TJP1: variants seen among roughly 807,000 people sequenced by gnomAD.
The protein encoded by TJP1 is tight junction protein 1, also known as tight junction protein ZO-1.
A neutral mutation model predicts 194.2 loss-of-function variants in TJP1; 43 were observed. That is an observed-to-expected ratio of 0.22 (90% CI 0.17 to 0.29). The LOEUF is 0.29. TJP1 is among the 10% of genes least tolerant of loss of function. The probability of loss-of-function intolerance (pLI) is 1.00; values close to 1 mark genes in which losing one functional copy is unlikely to be tolerated. For missense variants in TJP1, 1,971 were observed against 2,185.7 expected (o/e 0.90, Z 1.96); for synonymous variants, 801 against 779.0 (o/e 1.03, Z -0.47).
intron 1 of TJP1, among the ~76,000 whole-genome samples, 169 bp downstream of exon 1, chr15:29,821,833 C>CCCCGCGGCCCGCGGCCCGCGG (rs553652689): frequency 5.5e-5 from 8 of 145,470 alleles, no homozygotes; most frequent in African/African-American, 1.5e-4. Context: ...CCGAGGGGCT[C>CCCCGCGGCCCGCGGCCCGCGG]CCCGCGGCCC....
intron 2 of TJP1, among the ~76,000 whole-genome samples, chr15:29,938,654 C>A (rs2152280154): frequency 1.3e-5 from 2 of 152,318 alleles, no homozygotes; most frequent in South Asian, 4.1e-4. Context: ...TCTGAAATTT[C>A]CACTCTGCCC....
Position 29,718,982 on chromosome 15 carries a change from G to C in TJP1, c.3160C>G (p.Leu1054Val), listed in dbSNP as rs772769303. Residue 1054 changes from leucine (L) to valine (V), a missense_variant, in exon 21 of 28, where the codon CTC becomes GTC. By Grantham distance (32) the Leu-to-Val change is conservative. Transcript: ENST00000614355. ...TCGTATCTGTATGTGGGCTGCTCGA[G>C]GTCTCTGCTGGCTTGTTTCTCTACG... Reference protein sequence around the residue: ...PYVEKQASRDLEQPTYRYESS... With the variant: ...PYVEKQASRDVEQPTYRYESS... 5.0e-6 allele frequency: 8 copies of C among 1,614,188 alleles called. No individual in the cohort carries two copies. The highest frequency in any genetic ancestry group is 8.5e-7 in the Non-Finnish European group (1 of 1,180,044).
chr15:29,705,994 C>T (rs1385250542), intron 25 of TJP1, among the ~76,000 whole-genome samples: 6 of 152,264 alleles, frequency 3.9e-5, no homozygotes, highest in Admixed American at 2.0e-4. Context: ...TGCAGTGGCA[C>T]AATCTTGGTT....
At chr15:29,953,161 C>CTTTTTTTTTTTTTTTT (rs1486436271) in intron 2 of TJP1, among the ~76,000 whole-genome samples, 1 of 22,898 alleles carries the variant, frequency 4.4e-5, no homozygotes, top group African/African-American at 1.3e-4. Flanking sequence ...TTTTTTTTTG[C>CTTTTTTTTTTTTTTTT]AACGGAGTCT....
intron 2 of TJP1, among the ~76,000 whole-genome samples, chr15:29,946,837 A>G (rs1039798987): frequency 2.6e-5 from 4 of 152,222 alleles, no homozygotes; most frequent in African/African-American, 9.6e-5. Flanking sequence ...AAATTGGGGA[A>G]GCAATATGAA....
chr15:29,708,808 C>T lies in TJP1; in HGVS notation c.4601G>A (p.Ser1534Asn), dbSNP rs1325837450. Residue 1534 changes from serine (S) to asparagine (N), a missense_variant, in exon 25 of 28, where the codon AGT becomes AAT. This residue lies in a region of TJP1 where 1,108 missense variants were observed against 1,128.5 expected (regional missense o/e 0.98). Coordinates refer to ENST00000614355, the MANE Select transcript of TJP1 (RefSeq NM_001330239.4). ...YNRFTPKPYT[S>N]SARPFERKFE... The stretch of plus-strand genomic sequence containing the variant: ...CTTGCGTTCAAATGGTCGGGCAGAA[C>T]TTGTATATGGTTTTGGTGTGAATCG... 1 of 1,614,008 alleles carries T rather than the reference C, an allele frequency of 6.2e-7. No homozygotes were observed. Among genetic ancestry groups the T allele is most frequent in the African/African-American group, 1.3e-5 (1 of 74,906 alleles).
intron 1 of TJP1, chr15:29,968,028 C>T (rs2056389243): frequency 1.0e-5 from 10 of 973,758 alleles, no homozygotes; most frequent in Non-Finnish European, 1.2e-5. Context: ...AATATACAAT[C>T]CTGTAGATAA....
intron 2 of TJP1, among the ~76,000 whole-genome samples, chr15:29,896,293 T>C (rs1181573759): frequency 6.6e-6 from 1 of 152,148 alleles, no homozygotes; most frequent in Non-Finnish European, 1.5e-5. Context: ...TGAGATCTGA[T>C]GGTTTTAAAA....
At chr15:29,889,317 T>C (rs2053228826) in intron 2 of TJP1, among the ~76,000 whole-genome samples, 1 of 152,206 alleles carries the variant, frequency 6.6e-6, no homozygotes, top group Admixed American at 6.5e-5. Context: ...ATGAAATACT[T>C]TTTTTCTCTG....
chr15:29,750,247 C>T (rs557271684), intron 8 of TJP1, among the ~76,000 whole-genome samples: 1 of 152,212 alleles, frequency 6.6e-6, no homozygotes, highest in South Asian at 2.1e-4. Context: ...TCATGATCAG[C>T]CCGCCTCAGC....
chr15:29,716,931 C>T, intron 22 of TJP1, 93 bp from the exon 23 acceptor site: 1 of 1,070,962 alleles, frequency 9.3e-7, no homozygotes, highest in East Asian at 2.5e-5. Context: ...ACTAAAAGGT[C>T]AATAATTACT....
intron 2 of TJP1, among the ~76,000 whole-genome samples, chr15:29,951,483 T>C (rs1475764311): frequency 6.6e-6 from 1 of 151,930 alleles, no homozygotes; most frequent in African/African-American, 2.4e-5. Flanking sequence ...CTTTTTTATA[T>C]CAGGAGAAAG....
At position 29,761,589 on chromosome 15, in the gene TJP1, A is replaced by G. The variant is rs1177678852; in HGVS notation, c.862+12T>C. On this transcript the variant is annotated intron_variant, in intron 7 of 27. Coordinates refer to ENST00000614355, the MANE Select transcript of TJP1 (RefSeq NM_001330239.4). ...TCACTTAGAGGGAACGTTCAAACAG[A>G]ATCACACTCACCGTCTCTCTCAGAG... is the stretch of plus-strand genomic sequence containing the variant. The G allele has an allele frequency of 6.3e-7, 1 of 1,587,256 alleles. No individual in the cohort carries two copies. Among genetic ancestry groups the G allele is most frequent in the East Asian group, 2.3e-5 (1 of 44,276 alleles).
chr15:29,796,071 CA>C (rs1041041460), intron 2 of TJP1, among the ~76,000 whole-genome samples: 9 of 145,024 alleles, frequency 6.2e-5, no homozygotes, highest in African/African-American at 7.6e-5. Flanking sequence ...AGGCATCAAC[CA>C]AAAAAAAAAC....
intron 2 of TJP1, among the ~76,000 whole-genome samples, chr15:29,879,354 G>A (rs1205756476): frequency 1.3e-5 from 2 of 152,174 alleles, no homozygotes; most frequent in Non-Finnish European, 2.9e-5. Flanking sequence ...CCCCTGAGCT[G>A]GTTTTCACCA....
chr15:29,883,724 C>CAGAAA (rs994432143), intron 2 of TJP1, among the ~76,000 whole-genome samples: 10 of 151,790 alleles, frequency 6.6e-5, no homozygotes, highest in Non-Finnish European at 8.8e-5. Flanking sequence ...TTATGGCTTT[C>CAGAAA]AGAAAAGAAA....
chr15:29,730,794 T>C, intron 15 of TJP1: 2 of 780,302 alleles, frequency 2.6e-6, no homozygotes, highest in South Asian at 1.3e-5. Flanking sequence ...ATCCGCGAGG[T>C]TGTCTGCTAA....
At chr15:29,912,061 C>T (rs2054032054) in intron 2 of TJP1, among the ~76,000 whole-genome samples, 2 of 152,222 alleles carry the variant, frequency 1.3e-5, no homozygotes, top group Admixed American at 1.3e-4. Context: ...GGAAGTCCAA[C>T]ATTACAGCTC....
intron 2 of TJP1, among the ~76,000 whole-genome samples, chr15:29,874,023 C>A (rs762458888): frequency 7.2e-5 from 11 of 152,140 alleles, no homozygotes; most frequent in Non-Finnish European, 1.6e-4. Context: ...TCTCTTCCAC[C>A]TCCTCCTCCT....
Sources: allele counts gnomAD v4.1 joint callset (sites outside exome capture counted in the v4.1 genomes callset), GRCh38; gene constraint gnomAD v4.1.1; regional missense constraint gnomAD v4.1.1; transcripts MANE v1.5; gene names NCBI Gene and HGNC (gene_info 2026-07-23, HGNC 2026-07-21).